COL4A1: variants seen among roughly 807,000 people sequenced by gnomAD.
The protein encoded by COL4A1 is collagen type IV alpha 1 chain.
In COL4A1, 40 loss-of-function variants were observed where a neutral mutation model predicts 216.6. The ratio of observed to expected loss-of-function variants is 0.18; its 90% CI spans 0.14 to 0.24. The LOEUF (loss-of-function observed/expected upper bound fraction) is 0.24, where lower values mean the gene tolerates loss of function less well. Ranked by LOEUF, COL4A1 falls within the 10% of genes least tolerant of loss-of-function variation. COL4A1 has a pLI of 1.00. For synonymous variants in COL4A1, 839 were observed against 810.7 expected, an observed-to-expected ratio of 1.03 and a Z score of -0.59; for missense variants, 1,628 against 2,196.8, an observed-to-expected ratio of 0.74 and a Z score of 5.18.
intron 18 of COL4A1, among the ~76,000 whole-genome samples, chr13:110,202,438 G>T (rs572551927): frequency 6.6e-6 from 1 of 152,026 alleles, no homozygotes; most frequent in Non-Finnish European, 1.5e-5. Context: ...ATTAAAATGT[G>T]CCAATGTTAA....
At position 110,161,305 on chromosome 13, in the gene COL4A1, G is replaced by A. The variant is rs577664265; in HGVS notation, c.4527C>T (p.Asn1509=). Residue 1509 remains asparagine, a synonymous_variant, in exon 49 of 52, where the codon AAC becomes AAT. Transcript: ENST00000375820. ...CATTTCGTGATGCAAAGTTGCACAC[G>A]TTGTTAATATTGCAGAACAGGAAGG... ...TMPFLFCNIN[N]VCNFASRNDY... The A allele has an allele frequency of 8.1e-6, 13 of 1,614,200 alleles. No individual in the cohort carries two copies. The South Asian group carries it at 9.9e-5, about 12-fold the overall frequency.
intron 50 of COL4A1, among the ~76,000 whole-genome samples, chr13:110,154,446 C>T (rs370228179): frequency 2.0e-5 from 3 of 152,224 alleles, no homozygotes; most frequent in Admixed American, 6.5e-5. Flanking sequence ...GTGGAGGCCA[C>T]GGCCAGCCCT....
chr13:110,151,672 G>A lies in COL4A1; in HGVS notation c.4928+662C>T, dbSNP rs1316680381. Among the ~76,000 whole-genome samples, 9 of 152,292 alleles carry A rather than the reference G, an allele frequency of 5.9e-5. No homozygotes were observed. The East Asian group carries it at 7.7e-4, about 13-fold the overall frequency. ...AACAGTAAGCAGCTGTGCCAGCTCC[G>A]TCAGCCTCCTGCATTGGCTCCAGCG... On this transcript the variant is annotated intron_variant, in intron 51 of 51. Coordinates refer to ENST00000375820, the MANE Select transcript of COL4A1 (RefSeq NM_001845.6).
chr13:110,231,571 G>A (rs757714100), intron 2 of COL4A1, among the ~76,000 whole-genome samples: 4 of 152,120 alleles, frequency 2.6e-5, no homozygotes, highest in Admixed American at 6.5e-5. Context: ...TGTTCACTTG[G>A]GGGTTCAGTT....
chr13:110,233,789 G>A (rs910938847), intron 2 of COL4A1, among the ~76,000 whole-genome samples: 3 of 152,166 alleles, frequency 2.0e-5, no homozygotes, highest in Non-Finnish European at 4.4e-5. Flanking sequence ...TCCACCAAAA[G>A]CATCCAAAAG....
intron 2 of COL4A1, among the ~76,000 whole-genome samples, chr13:110,220,606 G>A (rs1276653796): frequency 1.3e-5 from 2 of 152,072 alleles, no homozygotes; most frequent in Non-Finnish European, 2.9e-5. Context: ...AGGAGACTTC[G>A]GGACTTGTCC....
chr13:110,165,541 TCTCCCTCCCCTTCCACATACC>T (rs1319220076), intron 45 of COL4A1, among the ~76,000 whole-genome samples: 6 of 150,272 alleles, frequency 4.0e-5, no homozygotes, highest in African/African-American at 1.5e-4. Context: ...TACCCTCAAC[TCTCCCTCCCCTTCCACATACC>T]CTCCCTCCCC....
At chr13:110,193,789 C>T (rs1014947038) in intron 22 of COL4A1, among the ~76,000 whole-genome samples, 2 of 152,170 alleles carry the variant, frequency 1.3e-5, no homozygotes, top group Non-Finnish European at 2.9e-5. Context: ...GGTTTCATTT[C>T]GAGCTCTTTC....
At chr13:110,274,967 T>G (rs1195949167) in intron 1 of COL4A1, among the ~76,000 whole-genome samples, 1 of 152,212 alleles carries the variant, frequency 6.6e-6, no homozygotes, top group Admixed American at 6.5e-5. Flanking sequence ...AAATCCTTGC[T>G]CGCAGCCGTC....
intron 1 of COL4A1, among the ~76,000 whole-genome samples, chr13:110,289,654 T>C (rs1164081384): frequency 6.6e-6 from 1 of 152,216 alleles, no homozygotes; most frequent in East Asian, 1.9e-4. Context: ...GACGTTACAC[T>C]GCAAATTACG....
rs543279191 is a variant in COL4A1, at chr13:110,212,129, A to C, written c.388-207T>G. Among the ~76,000 whole-genome samples the C allele has an allele frequency of 3.9e-4, 60 of 152,348 alleles. No individual in the cohort carries two copies. The Middle Eastern group carries it at 0.01, about 26-fold the overall frequency. On this transcript the variant is annotated intron_variant, in intron 6 of 51. Transcript: ENST00000375820. ...ATCATTAATAGGGACAAAGGCCCAT[A>C]ATGGCATTTTCTTACGTGATGTAGT... is the stretch of plus-strand genomic sequence containing the variant.
intron 1 of COL4A1, among the ~76,000 whole-genome samples, chr13:110,253,821 G>C (rs922062705): frequency 2.5e-4 from 24 of 96,964 alleles, no homozygotes; most frequent in African/African-American, 6.6e-4. Flanking sequence ...TTATACGTAT[G>C]TATGTATTAT....
intron 2 of COL4A1, among the ~76,000 whole-genome samples, chr13:110,217,739 A>T (rs1880159939): frequency 6.6e-6 from 1 of 152,170 alleles, no homozygotes; most frequent in Non-Finnish European, 1.5e-5. Context: ...AAATGATGAA[A>T]TTCAGAATTT....
At chr13:110,275,556 C>T (rs991265149) in intron 1 of COL4A1, among the ~76,000 whole-genome samples, 29 of 152,172 alleles carry the variant, frequency 1.9e-4, no homozygotes, top group Admixed American at 1.9e-3. Context: ...GCTATTTACC[C>T]AAATGAGCTG....
chr13:110,298,410 T>C (rs1047939284), intron 1 of COL4A1, among the ~76,000 whole-genome samples: 3 of 152,202 alleles, frequency 2.0e-5, no homozygotes, highest in Non-Finnish European at 4.4e-5. Flanking sequence ...GTCATCCCCT[T>C]TTCCAGTTAA....
Position 110,178,107 on chromosome 13 carries a change from G to C in COL4A1, c.2583C>G (p.Gly861=), listed in dbSNP as rs765467440. 4.3e-6 allele frequency: 7 copies of C among 1,614,052 alleles called. No individual in the cohort carries two copies. The East Asian group carries it at 1.3e-4, about 31-fold the overall frequency. The change falls in exon 32 of 52, where the codon GGC becomes GGG. Residue 861 remains glycine (G), a synonymous_variant. Transcript: ENST00000375820. The part of the protein sequence containing the change: ...PGITGQSGLP[G]LPGQQGAPGI... ...CAGGAGCCCCCTGCTGTCCAGGAAG[G>C]CCAGGGAGCCCCGACTGTCCCGTTA...
Position 110,176,684 on chromosome 13 carries a change from G to A in COL4A1, c.2910C>T (p.Asp970=). ...GPIGEKGSRG[D]PGTPGVPGKD... The stretch of plus-strand genomic sequence containing the variant: ...TTCCAGGCACTCCTGGGGTCCCAGG[G>A]TCTCCTCGGGATCCCTTCTCACCAA... Residue 970 remains aspartate, a synonymous_variant, in exon 35 of 52, where the codon GAC becomes GAT. Transcript: ENST00000375820. The A allele has an allele frequency of 6.2e-7, 1 of 1,614,166 alleles. No individual in the cohort carries two copies. Among genetic ancestry groups the A allele is most frequent in the Non-Finnish European group, 8.5e-7 (1 of 1,180,030 alleles).
intron 41 of COL4A1, 123 bp from the exon 42 acceptor site, chr13:110,170,855 C>T (rs1877609601): frequency 5.0e-6 from 5 of 992,770 alleles, no homozygotes; most frequent in South Asian, 4.0e-5. Context: ...GAGGGAGCTT[C>T]CAGGGACACC....
chr13:110,204,907 G>A (rs1879419738), intron 17 of COL4A1, among the ~76,000 whole-genome samples: 1 of 152,158 alleles, frequency 6.6e-6, no homozygotes, highest in African/African-American at 2.4e-5. Context: ...TACACTGACG[G>A]CCATTGAAAT....
Sources: allele counts gnomAD v4.1 joint callset (sites outside exome capture counted in the v4.1 genomes callset), GRCh38; gene constraint gnomAD v4.1.1; transcripts MANE v1.5; gene names NCBI Gene and HGNC (gene_info 2026-07-23, HGNC 2026-07-21).